The following CFAP57 variants were observed in gnomAD, a reference collection of about 807,000 sequenced individuals.
CFAP57 encodes cilia and flagella associated protein 57.
CFAP57 carries 116 observed loss-of-function variants against 146.8 expected under a neutral mutation model. The ratio of observed to expected loss-of-function variants is 0.79; its 90% confidence interval spans 0.68 to 0.92. The LOEUF (loss-of-function observed/expected upper bound fraction) is 0.92, where lower values mean the gene tolerates loss of function less well. Among genes scored for constraint, CFAP57 ranks in the 40% least tolerant of loss-of-function variants. CFAP57 has a pLI of 0.00. For missense variants in CFAP57, 1,377 were observed against 1,527.2 expected, an observed-to-expected ratio of 0.90 and a Z score of 1.64; for synonymous variants, 518 against 552.8, an observed-to-expected ratio of 0.94 and a Z score of 0.88.
At position 43,201,840 on chromosome 1, in the gene CFAP57, A is replaced by G. The variant is rs187155799; in HGVS notation, c.1542+2337A>G. The stretch of plus-strand genomic sequence containing the variant: ...ATGTTGGTCAGGCTGGTCTTGAACT[A>G]CTGACCTCAGGTGATCCACCCACCT... On this transcript the variant is annotated intron_variant, in intron 9 of 22. Transcript: ENST00000372492. This position sits in a 1 kb window ranked among gnomAD's most constrained non-coding sequence, Gnocchi z 4.4. Among the ~76,000 whole-genome samples, 7 of 152,278 alleles carry G rather than the reference A, an allele frequency of 4.6e-5. 1 individual carries two copies. Among genetic ancestry groups the G allele is most frequent in the Admixed American group, 3.3e-4 (5 of 15,294 alleles).
chr1:43,226,916 G>T, intron 17 of CFAP57, 67 bp from the exon 18 acceptor site: 1 of 1,423,334 alleles, frequency 7.0e-7, no homozygotes. Flanking sequence ...GTGCTCTTTT[G>T]CCCTAAAGGG....
In CFAP57 at chr1:43,180,220, A is replaced by ATT. The variant is rs199877902; in HGVS notation, c.158-1311_158-1310dup. Among the ~76,000 whole-genome samples, 81 of 132,462 alleles carry ATT rather than the reference A, an allele frequency of 6.1e-4. 1 individual carries two copies. The East Asian group carries it at 0.014, about 23-fold the overall frequency. 86.9% of individuals were successfully genotyped at this position (132,462 alleles called of 152,430 possible). A position where few individuals can be genotyped will look rare whatever the true frequency, so the allele number is the denominator to read the frequency against. ...AAACTCTATCTCAAAAAATATATAT[A>ATT]TTTTATATATATATATATAAAATAT... On this transcript the variant is annotated intron_variant, in intron 2 of 22. Coordinates refer to ENST00000372492, the MANE Select transcript of CFAP57 (RefSeq NM_001378189.1).
chr1:43,226,683 G>T (rs965797523), intron 17 of CFAP57, among the ~76,000 whole-genome samples: 2 of 152,260 alleles, frequency 1.3e-5, no homozygotes, highest in Admixed American at 6.5e-5. Context: ...TCACGCTGTA[G>T]AACAGCTGGA....
chr1:43,186,933 A>C, intron 6 of CFAP57, 74 bp downstream of exon 6: 1 of 1,576,344 alleles, frequency 6.3e-7, no homozygotes, highest in Non-Finnish European at 8.7e-7. Context: ...CCATGTGGGC[A>C]AATTTTAATC....
At chr1:43,221,884 A>G (rs971302925) in intron 14 of CFAP57, among the ~76,000 whole-genome samples, 1 of 152,114 alleles carries the variant, frequency 6.6e-6, no homozygotes, top group African/African-American at 2.4e-5. Context: ...TTTCCTGGAA[A>G]CTTTTCTTCC....
chr1:43,236,905 T>TCC (rs1553187244), intron 21 of CFAP57, among the ~76,000 whole-genome samples: 26 of 119,046 alleles, frequency 2.2e-4, no homozygotes, highest in East Asian at 6.5e-4. Context: ...CGAGACTCCA[T>TCC]CCCCCCCCAA....
At chr1:43,226,233 T>G (rs536599419) in intron 17 of CFAP57, among the ~76,000 whole-genome samples, 1 of 152,334 alleles carries the variant, frequency 6.6e-6, no homozygotes, top group East Asian at 1.9e-4. Context: ...GCTACAGATC[T>G]GGAATCTGGA....
Position 43,219,628 on chromosome 1 carries a change from A to C in CFAP57, c.2247+91A>C, listed in dbSNP as rs988577393. The C allele has an allele frequency of 1.1e-5, 16 of 1,420,184 alleles. No homozygotes were observed. In the South Asian group the frequency reaches 1.4e-4, roughly 12 times the overall value. 88.0% of individuals were successfully genotyped at this position (1,420,184 alleles called of 1,614,324 possible). A position where few individuals can be genotyped will look rare whatever the true frequency, so the allele number is the denominator to read the frequency against. ...GCATATACTGCCCAAGCTATGCTCA[A>C]ACAGTAAGATATGTGAAAATGTCCA... On this transcript the variant is annotated intron_variant, in intron 13 of 22. Coordinates refer to ENST00000372492, the MANE Select transcript of CFAP57 (RefSeq NM_001378189.1).
chr1:43,208,985 A>C (rs1197401906), intron 10 of CFAP57, among the ~76,000 whole-genome samples: 8 of 152,168 alleles, frequency 5.3e-5, no homozygotes, highest in Non-Finnish European at 1.0e-4. Context: ...ATTTTGAGAG[A>C]GAGAAATCAC....
intron 10 of CFAP57, among the ~76,000 whole-genome samples, chr1:43,207,974 C>T (rs2764420): frequency 0.76 from 115,687 of 152,146 alleles, 45,398 homozygotes; most frequent in Middle Eastern, 0.9. Flanking sequence ...ATCTTTTGCT[C>T]CTCTTGGCAG....
At position 43,254,217 on chromosome 1, in the gene CFAP57, C is replaced by A; in HGVS notation, c.*26C>A. On this transcript the variant is annotated 3_prime_UTR_variant, in exon 23 of 23. Transcript: ENST00000372492. The stretch of plus-strand genomic sequence containing the variant: ...CCCCCTCTGGTGAGCCATCTCCAGC[C>A]ACAGCCAGAAGAAACACAGCATGTC... 6.5e-7 allele frequency: 1 copy of A among 1,526,732 alleles called. No individual in the cohort carries two copies. The highest frequency in any genetic ancestry group is 8.8e-7 in the Non-Finnish European group (1 of 1,131,798). The allele number at this position is 1,526,732 out of a possible 1,614,324, so 94.6% of individuals were successfully genotyped here.
intron 22 of CFAP57, among the ~76,000 whole-genome samples, chr1:43,249,048 ATT>A (rs1229728481): frequency 1.0e-4 from 13 of 123,982 alleles, no homozygotes; most frequent in East Asian, 2.3e-4. Flanking sequence ...CTCCCAGCTA[ATT>A]TTTTTTTTTT....
Position 43,222,686 on chromosome 1 carries a change from T to C in CFAP57, c.2533-138T>C, listed in dbSNP as rs139189841. 121 of 981,702 alleles carry C rather than the reference T, an allele frequency of 1.2e-4. No homozygotes were observed. In the East Asian group the frequency reaches 3.2e-3, roughly 26 times the overall value. The allele number at this position is 981,702 out of a possible 1,614,324, so 60.8% of individuals were successfully genotyped here. ...GGACAGGTCAAGGGCCCTGTGGCCA[T>C]GGTCTCCGTTTCTGGAATGACACTC... On this transcript the variant is annotated intron_variant, in intron 15 of 22. Transcript: ENST00000372492.
chr1:43,254,216 C>T lies in CFAP57; in HGVS notation c.*25C>T. ...ACCCCCTCTGGTGAGCCATCTCCAG[C>T]CACAGCCAGAAGAAACACAGCATGT... On this transcript the variant is annotated 3_prime_UTR_variant, in exon 23 of 23. Transcript: ENST00000372492. 1 of 1,526,864 alleles carries T rather than the reference C, an allele frequency of 6.5e-7. No individual in the cohort carries two copies. Among genetic ancestry groups the T allele is most frequent in the Non-Finnish European group, 8.8e-7 (1 of 1,131,900 alleles). The allele number at this position is 1,526,864 out of a possible 1,614,324, so 94.6% of individuals were successfully genotyped here. A position where few individuals can be genotyped will look rare whatever the true frequency, so the allele number is the denominator to read the frequency against.
Position 43,199,262 on chromosome 1 carries a change from T to C in CFAP57, c.1429-128T>C, listed in dbSNP as rs149646905. 5 of 861,412 alleles carry C rather than the reference T, an allele frequency of 5.8e-6. No homozygotes were observed. The African/African-American group carries it at 6.6e-5, about 11-fold the overall frequency. 53.4% of individuals were successfully genotyped at this position (861,412 alleles called of 1,614,324 possible). On this transcript the variant is annotated intron_variant, in intron 8 of 22. Coordinates refer to ENST00000372492, the MANE Select transcript of CFAP57 (RefSeq NM_001378189.1). The stretch of plus-strand genomic sequence containing the variant: ...GCCACTCCTCAGTCTCATTTGCACC[T>C]TCCCCCCACTCCCACCCTCACACGT...
rs1557802451 is a variant in CFAP57 at position 43,224,114 on chromosome 1, G to A, written c.2775G>A (p.Met925Ile). The part of the protein sequence containing the change: ...NDIETLKGEQ[M>I]KLQGVIKSLE... ...TCGAGACCCTAAAAGGAGAGCAGATGAAGCTGCAAGGAGTCATTAAGTCTC... is the reference window on the plus strand; with the variant it reads ...TCGAGACCCTAAAAGGAGAGCAGATAAAGCTGCAAGGAGTCATTAAGTCTC... The change falls in exon 17 of 23, where the codon ATG becomes ATA. Residue 925 changes from methionine to isoleucine, a missense_variant. Coordinates refer to ENST00000372492, the MANE Select transcript of CFAP57 (RefSeq NM_001378189.1). The A allele has an allele frequency of 1.4e-5, 21 of 1,550,584 alleles. No homozygotes were observed. The highest frequency in any genetic ancestry group is 1.8e-5 in the Non-Finnish European group (21 of 1,146,986).
At chr1:43,239,226 G>A in intron 21 of CFAP57, among the ~76,000 whole-genome samples, 1 of 144,390 alleles carries the variant, frequency 6.9e-6, no homozygotes, top group South Asian at 2.3e-4. Context: ...TTTCTTACAT[G>A]AATACGTGAA....
intron 6 of CFAP57, 98 bp from the exon 7 acceptor site, chr1:43,197,455 C>G (rs1170404523): frequency 1.4e-6 from 2 of 1,478,256 alleles, no homozygotes; most frequent in Admixed American, 3.3e-5. Context: ...TTTCTGTGCA[C>G]CCAGGCTAAT....
intron 7 of CFAP57, among the ~76,000 whole-genome samples, chr1:43,198,227 C>G (rs1467239949): frequency 6.6e-5 from 10 of 152,194 alleles, no homozygotes; most frequent in Admixed American, 6.5e-4. Flanking sequence ...TTGGACAATA[C>G]TCATGAATTT....
Sources: gnomAD v4.1 joint callset for allele counts (sites outside exome capture counted in the v4.1 genomes callset) on GRCh38, gnomAD v4.1.1 for gene constraint, Gnocchi (gnomAD v3.1) non-coding constraint, MANE v1.5 for transcripts, NCBI Gene and HGNC (gene_info 2026-07-23, HGNC 2026-07-21) for gene names.